The following HNRNPM variants were observed in gnomAD, a reference collection of about 807,000 sequenced individuals.
HNRNPM encodes CEA receptor.
HNRNPM carries 11 observed loss-of-function variants against 73.1 expected under a neutral mutation model. The ratio of observed to expected loss-of-function variants is 0.15; its 90% CI spans 0.09 to 0.25. The LOEUF is 0.25. Ranked by LOEUF, HNRNPM falls within the 10% of genes least tolerant of loss-of-function variation. The probability of loss-of-function intolerance (pLI) is 1.00; values close to 1 mark genes in which losing one functional copy is unlikely to be tolerated. For synonymous variants in HNRNPM, 407 were observed against 355.2 expected (o/e 1.15, Z -1.64); for missense variants, 789 against 1,067.9 (o/e 0.74, Z 3.64).
At chr19:8,451,544 C>T (rs200749063) in intron 1 of HNRNPM, among the ~76,000 whole-genome samples, 1 of 141,578 alleles carries the variant, frequency 7.1e-6, no homozygotes, top group South Asian at 2.4e-4. Context: ...TCCCCTTCCC[C>T]TTCCCTTGCC....
At chr19:8,461,493 CT>C (rs1478202195) in intron 2 of HNRNPM, among the ~76,000 whole-genome samples, 1 of 152,180 alleles carries the variant, frequency 6.6e-6, no homozygotes, top group African/African-American at 2.4e-5. Context: ...CAGGGTAACA[CT>C]TTACATTTGT....
At chr19:8,472,067 AG>A (rs1380099117) in intron 10 of HNRNPM, among the ~76,000 whole-genome samples, 1 of 151,316 alleles carries the variant, frequency 6.6e-6, no homozygotes, top group African/African-American at 2.4e-5. Context: ...GTTACTCAAG[AG>A]GCTGAGGCAG....
intron 1 of HNRNPM, 121 bp from the exon 2 acceptor site, chr19:8,455,284 A>T: frequency 1.2e-6 from 1 of 822,292 alleles, no homozygotes; most frequent in Non-Finnish European, 1.9e-6. Flanking sequence ...TCTGACCAAT[A>T]CTAGTCTTGT....
chr19:8,450,335 T>G (rs1163032067), intron 1 of HNRNPM, among the ~76,000 whole-genome samples: 1 of 152,244 alleles, frequency 6.6e-6, no homozygotes, highest in Non-Finnish European at 1.5e-5. Flanking sequence ...GGGAACTGCA[T>G]GGAGACCTTA....
At chr19:8,455,751 TTTTTG>T (rs1014410301) in intron 2 of HNRNPM, among the ~76,000 whole-genome samples, 177 bp downstream of exon 2, 8 of 150,118 alleles carry the variant, frequency 5.3e-5, no homozygotes, top group Admixed American at 2.6e-4. Context: ...TTGTGTTTTT[TTTTTG>T]TTTTGTTTTG....
At chr19:8,488,559 A>G in intron 15 of HNRNPM, 132 bp from the exon 16 acceptor site, 1 of 688,914 alleles carries the variant, frequency 1.5e-6, no homozygotes, top group Non-Finnish European at 2.4e-6. Flanking sequence ...AGGGGGCCGT[A>G]GTCATTGGTT....
chr19:8,485,699 G>T lies in HNRNPM; in HGVS notation c.1271G>T (p.Gly424Val). 1.2e-6 allele frequency: 2 copies of T among 1,605,910 alleles called. No individual in the cohort carries two copies. Reference protein sequence around the residue: ...AGMERMGAGLGHGMDRVGSEI... With the variant: ...AGMERMGAGLVHGMDRVGSEI... ...ATGGAGCGCATGGGCGCGGGCCTGG[G>T]CCACGGCATGGATCGCGTGGGCTCC... The change falls in exon 14 of 16, where the codon GGC becomes GTC. Residue 424 changes from glycine (G) to valine (V), a missense_variant. This residue lies in a region of HNRNPM where 604 missense variants were observed against 744.0 expected (regional missense o/e 0.81). Coordinates refer to ENST00000325495, the MANE Select transcript of HNRNPM (RefSeq NM_005968.5).
Position 8,485,864 on chromosome 19 carries a change from T to C in HNRNPM, c.1436T>C (p.Ile479Thr), listed in dbSNP as rs1480273290. 1.2e-6 allele frequency: 2 copies of C among 1,602,000 alleles called. No homozygotes were observed. Among genetic ancestry groups the C allele is most frequent in the African/African-American group, 2.7e-5 (2 of 73,922 alleles). The change falls in exon 14 of 16, where the codon ATT becomes ACT. Residue 479 changes from isoleucine to threonine, a missense_variant. Around this residue, in one of 4 missense-constraint regions of HNRNPM, gnomAD observed 604 missense variants for 744.0 expected, o/e 0.81. Transcript: ENST00000325495. Reference sequence around the variant, plus strand: ...CGCATGGGCCAGACCATGGAGCGCATTGGCTCTGGCGTGGAGCGCATGGGT... The same window carrying C: ...CGCATGGGCCAGACCATGGAGCGCACTGGCTCTGGCGTGGAGCGCATGGGT... ...IERMGQTMERIGSGVERMGAG... is the reference protein window; with the variant it reads ...IERMGQTMERTGSGVERMGAG...
At chr19:8,469,628 A>G (rs970639572) in intron 9 of HNRNPM, among the ~76,000 whole-genome samples, 2 of 152,228 alleles carry the variant, frequency 1.3e-5, no homozygotes, top group African/African-American at 2.4e-5. Context: ...ATTAGTGCAG[A>G]GTCATAGATA....
intron 1 of HNRNPM, among the ~76,000 whole-genome samples, chr19:8,447,608 G>A (rs1416378531): frequency 6.6e-6 from 1 of 152,136 alleles, no homozygotes; most frequent in Non-Finnish European, 1.5e-5. Flanking sequence ...AGTTGTGCTG[G>A]GTGTAGTGGC....
At chr19:8,487,498 C>A (rs184836661) in intron 15 of HNRNPM, 154 of 200,942 alleles carry the variant, frequency 7.7e-4, no homozygotes, top group African/African-American at 3.5e-3. Context: ...GGTGCAGGCT[C>A]TGGGCACACA....
At chr19:8,488,428 C>CTTTA (rs1356559646) in intron 15 of HNRNPM, 6 of 394,906 alleles carry the variant, frequency 1.5e-5, no homozygotes, top group Admixed American at 4.0e-5. Flanking sequence ...ATAAAGCTGG[C>CTTTA]TTTACACTGC....
intron 1 of HNRNPM, among the ~76,000 whole-genome samples, chr19:8,451,792 A>C (rs1054996829): frequency 1.1e-4 from 16 of 152,038 alleles, no homozygotes; most frequent in Non-Finnish European, 1.9e-4. Flanking sequence ...TCAGCCTCCC[A>C]AACTGCTGGG....
intron 13 of HNRNPM, among the ~76,000 whole-genome samples, chr19:8,484,689 T>C (rs1270330737): frequency 6.6e-6 from 1 of 152,134 alleles, no homozygotes; most frequent in African/African-American, 2.4e-5. Context: ...TCCTCTTGAA[T>C]TGGTATCTTT....
chr19:8,479,409 C>T (rs1030722509), intron 12 of HNRNPM, among the ~76,000 whole-genome samples: 2 of 152,118 alleles, frequency 1.3e-5, no homozygotes, highest in South Asian at 4.1e-4. Context: ...TAGCTGTATT[C>T]TTCAAATTTA....
intron 9 of HNRNPM, among the ~76,000 whole-genome samples, chr19:8,470,721 C>A (rs551043092): frequency 3.3e-5 from 5 of 152,292 alleles, no homozygotes; most frequent in African/African-American, 1.2e-4. Context: ...TTGGCTGTTT[C>A]CAGAGACCAG....
intron 3 of HNRNPM, 32 bp from the exon 4 acceptor site, chr19:8,463,465 C>T (rs1466337977): frequency 1.9e-6 from 3 of 1,612,046 alleles, no homozygotes; most frequent in South Asian, 1.1e-5. Context: ...CCCTTCCTTG[C>T]TCTTCTGACT....
At chr19:8,446,082 G>A (rs1398016815) in intron 1 of HNRNPM, among the ~76,000 whole-genome samples, 1 of 152,180 alleles carries the variant, frequency 6.6e-6, no homozygotes, top group Admixed American at 6.5e-5. Flanking sequence ...CAAGATCAGC[G>A]GCCGGGAAGG....
At chr19:8,472,398 T>C (rs2145700328) in intron 10 of HNRNPM, among the ~76,000 whole-genome samples, 1 of 152,240 alleles carries the variant, frequency 6.6e-6, no homozygotes, top group South Asian at 2.1e-4. Flanking sequence ...CTAGACTCTC[T>C]TCCAGAGTCA....
Sources: gnomAD v4.1 joint callset for allele counts (sites outside exome capture counted in the v4.1 genomes callset) on GRCh38, gnomAD v4.1.1 for gene constraint, gnomAD v4.1.1 regional missense constraint, MANE v1.5 for transcripts, NCBI Gene and HGNC (gene_info 2026-07-23, HGNC 2026-07-21) for gene names.